MGAT5B: variants seen among roughly 807,000 people sequenced by gnomAD.
The protein encoded by MGAT5B is N-acetylglucosaminyl-transferase Vb.
A neutral mutation model predicts 95.1 loss-of-function variants in MGAT5B; 54 were observed. The ratio of observed to expected loss-of-function variants is 0.57; its 90% CI spans 0.46 to 0.71. The LOEUF (loss-of-function observed/expected upper bound fraction) is 0.71. MGAT5B is among the 30% of genes least tolerant of loss of function. The probability of loss-of-function intolerance (pLI) is 0.00; values close to 1 mark genes in which losing one functional copy is unlikely to be tolerated. For synonymous variants in MGAT5B, 464 were observed against 451.0 expected (o/e 1.03, Z -0.36); for missense variants, 935 against 1,088.6 (o/e 0.86, Z 1.99).
At chr17:76,890,932 G>T (rs552479482) in intron 3 of MGAT5B, among the ~76,000 whole-genome samples, 1 of 150,974 alleles carries the variant, frequency 6.6e-6, no homozygotes, top group African/African-American at 2.4e-5. Context: ...TCACACAGTG[G>T]GAAGAGGCTG....
In MGAT5B at chr17:76,869,166, T is replaced by A. The variant is rs1966900117; in HGVS notation, c.68+69T>A. On this transcript the variant is annotated intron_variant, in intron 1 of 17. Coordinates refer to ENST00000569840, the MANE Select transcript of MGAT5B (RefSeq NM_001199172.2). This position sits in a 1 kb window ranked among gnomAD's most constrained non-coding sequence, Gnocchi z 7.0. ...GGTGGAGGTGGGCGAGGTCGGTTCCTGCGAACGTTCAAGTCCTGGTGGCAG... is the reference window on the plus strand; with the variant it reads ...GGTGGAGGTGGGCGAGGTCGGTTCCAGCGAACGTTCAAGTCCTGGTGGCAG... 2.3e-5 allele frequency: 32 copies of A among 1,396,324 alleles called. No individual in the cohort carries two copies. The South Asian group carries it at 3.5e-4, about 15-fold the overall frequency. The allele number at this position is 1,396,324 out of a possible 1,614,324, so 86.5% of individuals were successfully genotyped here.
At chr17:76,900,933 G>A (rs1330104310) in intron 3 of MGAT5B, among the ~76,000 whole-genome samples, 7 of 109,090 alleles carry the variant, frequency 6.4e-5, no homozygotes, top group South Asian at 2.8e-4. Context: ...GTGTGCGTGC[G>A]TGTTTGTGTG....
intron 3 of MGAT5B, among the ~76,000 whole-genome samples, chr17:76,888,628 C>T (rs1450254349): frequency 6.6e-6 from 1 of 152,062 alleles, no homozygotes; most frequent in African/African-American, 2.4e-5. Flanking sequence ...CTGGAGAGCT[C>T]GTTCTCAGGG....
At position 76,924,990 on chromosome 17, in the gene MGAT5B, G is replaced by T. The variant is rs3889145; in HGVS notation, c.1050G>T (p.Arg350=). 5.0e-6 allele frequency: 8 copies of T among 1,611,672 alleles called. No homozygotes were observed. Among genetic ancestry groups the T allele is most frequent in the Non-Finnish European group, 5.9e-6 (7 of 1,179,396 alleles). The part of the protein sequence containing the change: ...LQSNLGVPPG[R]GSCPLTMPLP... ...GTAACTTAGGGGTACCGCCAGGCCGGGGAAGCTGCCCGCTCACCATGCCCC... is the reference window on the plus strand; with the variant it reads ...GTAACTTAGGGGTACCGCCAGGCCGTGGAAGCTGCCCGCTCACCATGCCCC... Residue 350 remains arginine (R), a synonymous_variant, in exon 9 of 18, where the codon CGG becomes CGT. Coordinates refer to ENST00000569840, the MANE Select transcript of MGAT5B (RefSeq NM_001199172.2).
intron 8 of MGAT5B, chr17:76,913,553 G>A: frequency 2.7e-6 from 1 of 377,280 alleles, no homozygotes; most frequent in East Asian, 7.3e-5. Context: ...CATGGAGACA[G>A]GGTCTTGGCC....
rs141993566 is a variant in MGAT5B at position 76,911,505 on chromosome 17, G to A, written c.1025+5318G>A. On this transcript the variant is annotated intron_variant, in intron 8 of 17. Coordinates refer to ENST00000569840, the MANE Select transcript of MGAT5B (RefSeq NM_001199172.2). The stretch of plus-strand genomic sequence containing the variant: ...GTGGAGGTGGCCCAGATGGTGGGGC[G>A]TCTGGCATCATGCCCAGGGCATCAC... Among the ~76,000 whole-genome samples the A allele has an allele frequency of 2.6e-3, 394 of 152,328 alleles. 3 individuals are homozygous for A. The East Asian group carries it at 0.041, about 16-fold the overall frequency.
intron 10 of MGAT5B, among the ~76,000 whole-genome samples, chr17:76,927,729 A>C (rs1207001545): frequency 1.3e-5 from 2 of 152,184 alleles, no homozygotes; most frequent in Non-Finnish European, 2.9e-5. Context: ...TGTCTGGTTC[A>C]CGCTGCGCTC....
At chr17:76,921,841 A>G (rs1236518989) in intron 8 of MGAT5B, among the ~76,000 whole-genome samples, 1 of 152,152 alleles carries the variant, frequency 6.6e-6, no homozygotes, top group Non-Finnish European at 1.5e-5. Flanking sequence ...TGGGTAAGTT[A>G]CTCAGCCTCT....
Position 76,922,964 on chromosome 17 carries a change from G to A in MGAT5B, c.1026-2002G>A, listed in dbSNP as rs558919558. Among the ~76,000 whole-genome samples, 7 of 152,300 alleles carry A rather than the reference G, an allele frequency of 4.6e-5. No homozygotes were observed. In the South Asian group the frequency reaches 8.3e-4, roughly 18 times the overall value. On this transcript the variant is annotated intron_variant, in intron 8 of 17. Coordinates refer to ENST00000569840, the MANE Select transcript of MGAT5B (RefSeq NM_001199172.2). Reference sequence around the variant, plus strand: ...GTGGGGGGCAAGGCCCAGAGAAAGCGCCTCCCCTCTTGCTGCCCTTCTCTG... The same window carrying A: ...GTGGGGGGCAAGGCCCAGAGAAAGCACCTCCCCTCTTGCTGCCCTTCTCTG...
At chr17:76,885,288 G>T (rs1967584576) in intron 3 of MGAT5B, among the ~76,000 whole-genome samples, 1 of 152,170 alleles carries the variant, frequency 6.6e-6, no homozygotes, top group Admixed American at 6.5e-5. Context: ...TTCTCCCTCA[G>T]ATCCAGTCCT....
intron 1 of MGAT5B, 35 bp from the exon 2 acceptor site, chr17:76,872,816 C>T (rs1297510869): frequency 6.2e-7 from 1 of 1,614,170 alleles, no homozygotes; most frequent in South Asian, 1.1e-5. Flanking sequence ...GATGGCCCTT[C>T]CTGCCCTCCT....
chr17:76,948,230 A>G (rs1970097520), intron 17 of MGAT5B, 144 bp downstream of exon 17: 1 of 1,412,866 alleles, frequency 7.1e-7, no homozygotes, highest in African/African-American at 1.4e-5. Flanking sequence ...GGAAGGATCC[A>G]GAAGGGATCC....
rs1337353371 is a variant in MGAT5B at position 76,940,685 on chromosome 17, C to T, written c.1732-47C>T. On this transcript the variant is annotated intron_variant, in intron 14 of 17. Coordinates refer to ENST00000569840, the MANE Select transcript of MGAT5B (RefSeq NM_001199172.2). This position sits in a 1 kb window ranked among gnomAD's most constrained non-coding sequence, Gnocchi z 4.3. ...TGGGGTACCTTTCTTTGTCCCTGTC[C>T]CACTGGCAGGCACGGGGGGCATCTG... The T allele has an allele frequency of 1.2e-6, 2 of 1,605,040 alleles. No homozygotes were observed. The highest frequency in any genetic ancestry group is 1.7e-6 in the Non-Finnish European group (2 of 1,172,984).
In MGAT5B at chr17:76,917,159, C is replaced by A. The variant is rs1968966311; in HGVS notation, c.1026-7807C>A. On this transcript the variant is annotated intron_variant, in intron 8 of 17. Coordinates refer to ENST00000569840, the MANE Select transcript of MGAT5B (RefSeq NM_001199172.2). This position sits in a 1 kb window ranked among gnomAD's most constrained non-coding sequence, Gnocchi z 6.1. ...TGTGAGGATTTTGCACACCAACCATCACTGCAAATATATTCAGCACACACA... is the reference window on the plus strand; with the variant it reads ...TGTGAGGATTTTGCACACCAACCATAACTGCAAATATATTCAGCACACACA... Among the ~76,000 whole-genome samples, 1 of 152,214 alleles carries A rather than the reference C, an allele frequency of 6.6e-6. No individual in the cohort carries two copies.
chr17:76,907,136 C>T (rs1281857364), intron 8 of MGAT5B, among the ~76,000 whole-genome samples: 1 of 152,100 alleles, frequency 6.6e-6, no homozygotes, highest in East Asian at 1.9e-4. Context: ...ACTGCAGCCT[C>T]CGCCTCCCGG....
intron 10 of MGAT5B, among the ~76,000 whole-genome samples, chr17:76,927,401 G>A (rs1238089926): frequency 6.6e-6 from 1 of 152,036 alleles, no homozygotes; most frequent in African/African-American, 2.4e-5. Context: ...CCCCATGCCC[G>A]GCTAATTTTT....
intron 12 of MGAT5B, among the ~76,000 whole-genome samples, chr17:76,936,266 C>G (rs1035893533): frequency 6.6e-6 from 1 of 152,044 alleles, no homozygotes; most frequent in East Asian, 1.9e-4. Context: ...AGATTAGCCA[C>G]GTGTGGTGGC....
chr17:76,933,984 A>G (rs1252528470), intron 12 of MGAT5B, among the ~76,000 whole-genome samples: 1 of 152,124 alleles, frequency 6.6e-6, no homozygotes, highest in Non-Finnish European at 1.5e-5. Flanking sequence ...CACGTTTCCC[A>G]CACTGCTCAT....
rs143970564 is a variant in MGAT5B, at chr17:76,891,310, C to A, written c.329+9012C>A. On this transcript the variant is annotated intron_variant, in intron 3 of 17. Coordinates refer to ENST00000569840, the MANE Select transcript of MGAT5B (RefSeq NM_001199172.2). ...CTAATGCCATTCATGAGGGCTCCAC[C>A]CTCATGACCTAATCCCCCTTCAAAG... is the stretch of plus-strand genomic sequence containing the variant. Among the ~76,000 whole-genome samples, 455 of 152,240 alleles carry A rather than the reference C, an allele frequency of 3.0e-3. 1 individual carries two copies. The highest frequency in any genetic ancestry group is 0.011 in the African/African-American group (443 of 41,532).
Sources: gnomAD v4.1 joint callset for allele counts (sites outside exome capture counted in the v4.1 genomes callset) on GRCh38, gnomAD v4.1.1 for gene constraint, Gnocchi (gnomAD v3.1) non-coding constraint, MANE v1.5 for transcripts, NCBI Gene and HGNC (gene_info 2026-07-23, HGNC 2026-07-21) for gene names.